WWOX: variants seen among roughly 807,000 people sequenced by gnomAD.
The protein encoded by WWOX is WW domain-containing oxidoreductase.
WWOX carries 69 observed loss-of-function variants against 46.2 expected under a neutral mutation model. The observed-to-expected ratio is 1.49, with a 90% CI of 1.23 to 1.82. WWOX has a LOEUF of 1.82. WWOX is among the 40% of genes most tolerant of loss of function. The pLI is 0.00. For missense variants in WWOX, 919 were observed against 542.6 expected, an observed-to-expected ratio of 1.69 and a Z score of -6.89; for synonymous variants, 359 against 202.6, an observed-to-expected ratio of 1.77 and a Z score of -6.56.
At chr16:78,756,828 A>G (rs920690245) in intron 8 of WWOX, 2 of 665,346 alleles carry the variant, frequency 3.0e-6, no homozygotes, top group African/African-American at 3.6e-5. Context: ...ACCTAATACT[A>G]CTGACCTGTA....
intron 8 of WWOX, among the ~76,000 whole-genome samples, chr16:79,187,455 C>A (rs529903097): frequency 1.3e-5 from 2 of 152,274 alleles, no homozygotes; most frequent in African/African-American, 4.8e-5. Flanking sequence ...GGCTGGAGTG[C>A]AGCGGCGTGA....
chr16:78,846,656 G>A (rs1256152823), intron 8 of WWOX, among the ~76,000 whole-genome samples: 2 of 152,084 alleles, frequency 1.3e-5, no homozygotes, highest in African/African-American at 2.4e-5. Context: ...CTCGGTTAAC[G>A]TGGTATCTGC....
At chr16:78,676,056 A>T (rs1269386664) in intron 8 of WWOX, among the ~76,000 whole-genome samples, 2 of 152,034 alleles carry the variant, frequency 1.3e-5, no homozygotes, top group Non-Finnish European at 2.9e-5. Context: ...CTTGTTTAAG[A>T]ATCTCAGAGT....
intron 8 of WWOX, among the ~76,000 whole-genome samples, chr16:78,555,219 G>A (rs1378405378): frequency 6.6e-6 from 1 of 150,552 alleles, no homozygotes; most frequent in African/African-American, 2.4e-5. Flanking sequence ...CTCATTGGAG[G>A]CATGTGTATA....
At chr16:78,990,038 G>C (rs1326086235) in intron 8 of WWOX, among the ~76,000 whole-genome samples, 2 of 151,834 alleles carry the variant, frequency 1.3e-5, no homozygotes, top group African/African-American at 4.8e-5. Flanking sequence ...ACAAAAATTA[G>C]CTGGGCTTGG....
At chr16:78,103,222 C>G (rs1056137493) in intron 1 of WWOX, among the ~76,000 whole-genome samples, 1 of 149,802 alleles carries the variant, frequency 6.7e-6, no homozygotes, top group Non-Finnish European at 1.5e-5. Context: ...AAATCTCAAG[C>G]TGGCCTCTCT....
chr16:78,592,950 C>T (rs1459394002), intron 8 of WWOX, among the ~76,000 whole-genome samples: 1 of 152,200 alleles, frequency 6.6e-6, no homozygotes, highest in Non-Finnish European at 1.5e-5. Context: ...CCCCACCCAA[C>T]ACTACTGCTT....
chr16:78,111,270 G>C (rs969336363), intron 3 of WWOX, among the ~76,000 whole-genome samples: 2 of 152,278 alleles, frequency 1.3e-5, no homozygotes, highest in African/African-American at 4.8e-5. Flanking sequence ...AAAGTAGTTA[G>C]AATAAGAATA....
chr16:78,510,065 GT>G (rs2085322803), intron 8 of WWOX, among the ~76,000 whole-genome samples: 1 of 2,870 alleles, frequency 3.5e-4, no homozygotes. Flanking sequence ...CTGTCTCCAA[GT>G]CTGTCTGTCT....
chr16:79,126,230 G>A (rs922750843), intron 8 of WWOX, among the ~76,000 whole-genome samples: 1 of 152,064 alleles, frequency 6.6e-6, no homozygotes, highest in African/African-American at 2.4e-5. Context: ...TGGGGTGCTG[G>A]GAGGACAGAA....
At chr16:78,254,766 C>T (rs938146631) in intron 5 of WWOX, among the ~76,000 whole-genome samples, 3 of 152,050 alleles carry the variant, frequency 2.0e-5, no homozygotes, top group Non-Finnish European at 2.9e-5. Flanking sequence ...CAAGTTCAAG[C>T]GATCTGCCTG....
chr16:78,852,526 C>T (rs1406061664), intron 8 of WWOX, among the ~76,000 whole-genome samples: 2 of 152,144 alleles, frequency 1.3e-5, no homozygotes, highest in Non-Finnish European at 2.9e-5. Flanking sequence ...CTCCAACCCC[C>T]TTTAAACTTT....
In WWOX at chr16:79,209,517, C is replaced by T. The variant is rs571552101; in HGVS notation, c.1057-2091C>T. Among the ~76,000 whole-genome samples, 20 of 152,188 alleles carry T rather than the reference C, an allele frequency of 1.3e-4. No individual in the cohort carries two copies. In the South Asian group the frequency reaches 2.3e-3, roughly 17 times the overall value. On this transcript the variant is annotated intron_variant, in intron 8 of 8. Transcript: ENST00000566780. ...AGTATAACCATTGTGGCATAGAGGGCGGGAGGCTGGACTTGAAATGGGTGA... is the reference window on the plus strand; with the variant it reads ...AGTATAACCATTGTGGCATAGAGGGTGGGAGGCTGGACTTGAAATGGGTGA...
chr16:78,770,354 C>G (rs78985377), intron 8 of WWOX, among the ~76,000 whole-genome samples: 1 of 148,940 alleles, frequency 6.7e-6, no homozygotes, highest in East Asian at 2.0e-4. Flanking sequence ...CTGTCTCAAA[C>G]AAAAAAAAAA....
At chr16:78,134,419 C>T (rs908852104) in intron 4 of WWOX, among the ~76,000 whole-genome samples, 3 of 152,184 alleles carry the variant, frequency 2.0e-5, no homozygotes, top group African/African-American at 7.2e-5. Context: ...TTTTGGGAAC[C>T]GTTGAGCCCC....
At chr16:78,467,078 T>C (rs1451755818) in intron 8 of WWOX, among the ~76,000 whole-genome samples, 4 of 152,210 alleles carry the variant, frequency 2.6e-5, no homozygotes, top group African/African-American at 9.6e-5. Flanking sequence ...GCCTGTGTTA[T>C]TAATAATGTA....
intron 8 of WWOX, among the ~76,000 whole-genome samples, chr16:79,010,178 C>T (rs969309907): frequency 6.6e-6 from 1 of 152,164 alleles, no homozygotes; most frequent in Admixed American, 6.5e-5. Context: ...TGTTTATTTA[C>T]AAGGCTGGCT....
intron 8 of WWOX, among the ~76,000 whole-genome samples, chr16:79,137,561 G>T (rs1376480599): frequency 6.6e-6 from 1 of 152,170 alleles, no homozygotes; most frequent in Non-Finnish European, 1.5e-5. Flanking sequence ...GGAATTTTTA[G>T]AGAGTGTTTG....
chr16:78,202,812 GTTT>G (rs34111953), intron 5 of WWOX, among the ~76,000 whole-genome samples: 1 of 140,034 alleles, frequency 7.1e-6, no homozygotes, highest in Non-Finnish European at 1.5e-5. Context: ...TGCCTGGTGG[GTTT>G]TTTTTTTTTT....
Sources: allele counts gnomAD v4.1 joint callset (sites outside exome capture counted in the v4.1 genomes callset), GRCh38; gene constraint gnomAD v4.1.1; transcripts MANE v1.5; gene names NCBI Gene and HGNC (gene_info 2026-07-23, HGNC 2026-07-21).